Variants in SOX21 observed in about 807,000 individuals in gnomAD.
SOX21 encodes transcription factor SOX-21.
For synonymous variants in SOX21, 237 were observed against 189.7 expected (o/e 1.25, Z -2.05); for missense variants, 370 against 388.8 (o/e 0.95, Z 0.41).
In SOX21 at chr13:94,712,119, G is replaced by C. The variant is rs1875280685; in HGVS notation, c.-70C>G. ...CGCCCTCGGCCCGGAGGAAATCAAT[G>C]TTGGCTGCCCGCGGAGACCCGCTCG... On this transcript the variant is annotated 5_prime_UTR_variant, in exon 1 of 1. Coordinates refer to ENST00000376945, the MANE Select transcript of SOX21 (RefSeq NM_007084.4). The surrounding 1 kb of genome is among the most constrained non-coding windows in gnomAD (Gnocchi z 5.0). 4 of 1,527,110 alleles carry C rather than the reference G, an allele frequency of 2.6e-6. No homozygotes were observed. The East Asian group carries it at 7.7e-5, about 29-fold the overall frequency. The allele number at this position is 1,527,110 out of a possible 1,614,324, so 94.6% of individuals were successfully genotyped here. A position where few individuals can be genotyped will look rare whatever the true frequency, so the allele number is the denominator to read the frequency against.
Position 94,709,829 on chromosome 13 carries a change from A to T in SOX21, c.*1390T>A, listed in dbSNP as rs1378943052. On this transcript the variant is annotated 3_prime_UTR_variant, in exon 1 of 1. Coordinates refer to ENST00000376945, the MANE Select transcript of SOX21 (RefSeq NM_007084.4). ...TTACATAAAGCCAAAATGAAACTAA[A>T]TACATGTTAGCCAACTTCATTCACA... 6.6e-6 allele frequency: 1 copy of T among 152,588 alleles called. No homozygotes were observed. The highest frequency in any genetic ancestry group is 1.5e-5 in the Non-Finnish European group (1 of 68,046). 9.5% of individuals were successfully genotyped at this position (152,588 alleles called of 1,614,324 possible).
In SOX21 at chr13:94,711,533, G is replaced by T; in HGVS notation, c.517C>A (p.Leu173Ile). The change falls in exon 1 of 1, where the codon CTC (leucine) becomes ATC (isoleucine). Residue 173 changes from leucine (L) to isoleucine (I), a missense_variant. Physicochemically the swap from Leu to Ile is conservative, Grantham distance 5. Transcript: ENST00000376945. Reference sequence around the variant, plus strand: ...TCTGCCATTTTGGAGCCCAGGTCGAGCAGCGAGTAGGGGCTGCCCGCGGCG... The same window carrying T: ...TCTGCCATTTTGGAGCCCAGGTCGATCAGCGAGTAGGGGCTGCCCGCGGCG... ...AAAAGSPYSL[L>I]DLGSKMAEIS... 9.8e-7 allele frequency: 1 copy of T among 1,024,426 alleles called. No individual in the cohort carries two copies. The highest frequency in any genetic ancestry group is 1.2e-6 in the Non-Finnish European group (1 of 846,802). The allele number at this position is 1,024,426 out of a possible 1,614,324, so 63.5% of individuals were successfully genotyped here. A position where few individuals can be genotyped will look rare whatever the true frequency, so the allele number is the denominator to read the frequency against.
Position 94,711,631 on chromosome 13 carries a change from G to A in SOX21, c.419C>T (p.Ala140Val). 8.0e-7 allele frequency: 1 copy of A among 1,246,372 alleles called. No individual in the cohort carries two copies. The highest frequency in any genetic ancestry group is 1.0e-6 in the Non-Finnish European group (1 of 995,380). 77.2% of individuals were successfully genotyped at this position (1,246,372 alleles called of 1,614,324 possible). The change falls in exon 1 of 1, where the codon GCC becomes GTC. Residue 140 changes from alanine to valine, a missense_variant. Transcript: ENST00000376945. ...GACGCGTGCGGCGGCAGCGGCGGCG[G>A]CCGCGGCCGCCTTCTCGGGATTGGC... is the stretch of plus-strand genomic sequence containing the variant. ...LLANPEKAAA[A>V]AAAAAARVFF...
Position 94,711,293 on chromosome 13 carries a change from C to G in SOX21, c.757G>C (p.Ala253Pro). Reference protein sequence around the residue: ...WPSPGLQPPLAYILLPGMGKP... With the variant: ...WPSPGLQPPLPYILLPGMGKP... ...CCCATGCCCGGCAGCAGGATGTAGGCGAGCGGCGGCTGCAGCCCGGGGCTG... is the reference window on the plus strand; with the variant it reads ...CCCATGCCCGGCAGCAGGATGTAGGGGAGCGGCGGCTGCAGCCCGGGGCTG... Residue 253 changes from alanine to proline, a missense_variant, in exon 1 of 1, where the codon GCC becomes CCC. Coordinates refer to ENST00000376945, the MANE Select transcript of SOX21 (RefSeq NM_007084.4). The G allele has an allele frequency of 7.3e-7, 1 of 1,364,480 alleles. No individual in the cohort carries two copies. The highest frequency in any genetic ancestry group is 9.4e-7 in the Non-Finnish European group (1 of 1,064,404). 84.5% of individuals were successfully genotyped at this position (1,364,480 alleles called of 1,614,324 possible). A position where few individuals can be genotyped will look rare whatever the true frequency, so the allele number is the denominator to read the frequency against.
chr13:94,711,373 T>G lies in SOX21; in HGVS notation c.677A>C (p.His226Pro). The G allele has an allele frequency of 8.0e-7, 1 of 1,248,584 alleles. No individual in the cohort carries two copies. 77.3% of individuals were successfully genotyped at this position (1,248,584 alleles called of 1,614,324 possible). A position where few individuals can be genotyped will look rare whatever the true frequency, so the allele number is the denominator to read the frequency against. The stretch of plus-strand genomic sequence containing the variant: ...GTAGCCCGGGTTGCCCGGGCTGGGG[T>G]GCGAGTGCGTGTGCCCCCCGGCGGC... ...AAAAGGHTHS[H>P]PSPGNPGYMI... The change falls in exon 1 of 1, where the codon CAC becomes CCC. Residue 226 changes from histidine (H) to proline (P), a missense_variant. His to Pro is a moderately conservative substitution (Grantham distance 77). Transcript: ENST00000376945.
rs1875219942 is a variant in SOX21, at chr13:94,711,070, C to A, written c.*149G>T. The A allele has an allele frequency of 1.3e-6, 1 of 799,950 alleles. No individual in the cohort carries two copies. The highest frequency in any genetic ancestry group is 1.8e-5 in the African/African-American group (1 of 55,576). 49.6% of individuals were successfully genotyped at this position (799,950 alleles called of 1,614,324 possible). On this transcript the variant is annotated 3_prime_UTR_variant, in exon 1 of 1. Coordinates refer to ENST00000376945, the MANE Select transcript of SOX21 (RefSeq NM_007084.4). ...GCTTGGCCACTCCTGCCCCGCCTGG[C>A]CTCTCTGCCTCTACCTGGCACCTAT...
Position 94,711,876 on chromosome 13 carries a change from G to A in SOX21, c.174C>T (p.Ile58=). The change falls in exon 1 of 1, where the codon ATC becomes ATT. Residue 58 remains isoleucine, a synonymous_variant. Transcript: ENST00000376945. ...TGGCGCGTAGACGCTTGGCCTCGTC[G>A]ATGAACGGCCGCTTCTCCGACTCTG... ...LLTESEKRPF[I]DEAKRLRAMH... The A allele has an allele frequency of 6.2e-7, 1 of 1,613,986 alleles. No individual in the cohort carries two copies. Among genetic ancestry groups the A allele is most frequent in the East Asian group, 2.2e-5 (1 of 44,820 alleles).
In SOX21 at chr13:94,711,205, G is replaced by A; in HGVS notation, c.*14C>T. The A allele has an allele frequency of 7.6e-7, 1 of 1,319,746 alleles. No homozygotes were observed. The allele number at this position is 1,319,746 out of a possible 1,614,324, so 81.8% of individuals were successfully genotyped here. A position where few individuals can be genotyped will look rare whatever the true frequency, so the allele number is the denominator to read the frequency against. On this transcript the variant is annotated 3_prime_UTR_variant, in exon 1 of 1. Coordinates refer to ENST00000376945, the MANE Select transcript of SOX21 (RefSeq NM_007084.4). Reference sequence around the variant, plus strand: ...ACGTGTGCACACCGGTCCTCGCGAGGCGGCCCCGCGGGGTCATAGCGCGGC... The same window carrying A: ...ACGTGTGCACACCGGTCCTCGCGAGACGGCCCCGCGGGGTCATAGCGCGGC...
Position 94,712,460 on chromosome 13 carries a change from C to G in SOX21, c.-411G>C. The G allele has an allele frequency of 1.0e-6, 1 of 988,652 alleles. No homozygotes were observed. Among genetic ancestry groups the G allele is most frequent in the Non-Finnish European group, 1.2e-6 (1 of 832,870 alleles). The allele number at this position is 988,652 out of a possible 1,614,324, so 61.2% of individuals were successfully genotyped here. Reference sequence around the variant, plus strand: ...TGCAAAGCGTCCCCAAAAGTTGCGTCGCGGAGACTCCTCGAAGTTGAGCCG... The same window carrying G: ...TGCAAAGCGTCCCCAAAAGTTGCGTGGCGGAGACTCCTCGAAGTTGAGCCG... On this transcript the variant is annotated 5_prime_UTR_variant, in exon 1 of 1. Transcript: ENST00000376945. The surrounding 1 kb of genome is among the most constrained non-coding windows in gnomAD (Gnocchi z 5.0).
Position 94,710,962 on chromosome 13 carries a change from C to T in SOX21, c.*257G>A, listed in dbSNP as rs565064177. On this transcript the variant is annotated 3_prime_UTR_variant, in exon 1 of 1. Transcript: ENST00000376945. Reference sequence around the variant, plus strand: ...AACGCCAACTGCTGCCGCACACAACCGCCTGCTTTCGAGTTGGCTGCCGAA... The same window carrying T: ...AACGCCAACTGCTGCCGCACACAACTGCCTGCTTTCGAGTTGGCTGCCGAA... 1.9e-5 allele frequency: 7 copies of T among 361,164 alleles called. No individual in the cohort carries two copies. Among genetic ancestry groups the T allele is most frequent in the Admixed American group, 4.7e-5 (1 of 21,476 alleles). 22.4% of individuals were successfully genotyped at this position (361,164 alleles called of 1,614,324 possible).
At position 94,710,081 on chromosome 13, in the gene SOX21, TCA is replaced by T. The variant is rs751195944; in HGVS notation, c.*1136_*1137del. The stretch of plus-strand genomic sequence containing the variant: ...TGAAACAATTCTGTGCTTTTTTTCT[TCA>T]GTTTTGCTAAATAATAAATATATAA... On this transcript the variant is annotated 3_prime_UTR_variant, in exon 1 of 1. Coordinates refer to ENST00000376945, the MANE Select transcript of SOX21 (RefSeq NM_007084.4). 1.3e-5 allele frequency: 2 copies of T among 152,214 alleles called. No homozygotes were observed. Among genetic ancestry groups the T allele is most frequent in the Non-Finnish European group, 2.9e-5 (2 of 68,044 alleles). The allele number at this position is 152,214 out of a possible 1,614,324, so 9.4% of individuals were successfully genotyped here.
At position 94,712,427 on chromosome 13, in the gene SOX21, CTCTT is replaced by C. The variant is rs960458286; in HGVS notation, c.-382_-379del. ...AGCGCTCCTCCTCCTCGGTCGTTCTCTCTTAAATGCAAAGCGTCCCCAAAAGTTG... is the reference window on the plus strand; with the variant it reads ...AGCGCTCCTCCTCCTCGGTCGTTCTCAAATGCAAAGCGTCCCCAAAAGTTG... On this transcript the variant is annotated 5_prime_UTR_variant, in exon 1 of 1. Coordinates refer to ENST00000376945, the MANE Select transcript of SOX21 (RefSeq NM_007084.4). The surrounding 1 kb of genome is among the most constrained non-coding windows in gnomAD (Gnocchi z 5.0). 2.0e-6 allele frequency: 2 copies of C among 1,005,046 alleles called. No individual in the cohort carries two copies. The highest frequency in any genetic ancestry group is 3.5e-5 in the African/African-American group (2 of 57,906). The allele number at this position is 1,005,046 out of a possible 1,614,324, so 62.3% of individuals were successfully genotyped here.
Position 94,710,875 on chromosome 13 carries a change from G to T in SOX21, c.*344C>A. 1 of 210,550 alleles carries T rather than the reference G, an allele frequency of 4.7e-6. No homozygotes were observed. The highest frequency in any genetic ancestry group is 9.7e-5 in the East Asian group (1 of 10,344). The allele number at this position is 210,550 out of a possible 1,614,324, so 13.0% of individuals were successfully genotyped here. A position where few individuals can be genotyped will look rare whatever the true frequency, so the allele number is the denominator to read the frequency against. ...CCAACAAAACTGGAAAGGCCAACAT[G>T]TCAAAAAGTTACTCCTCCACCTCCG... On this transcript the variant is annotated 3_prime_UTR_variant, in exon 1 of 1. Coordinates refer to ENST00000376945, the MANE Select transcript of SOX21 (RefSeq NM_007084.4).
chr13:94,711,254 C>A lies in SOX21; in HGVS notation c.796G>T (p.Asp266Tyr). The A allele has an allele frequency of 7.3e-7, 1 of 1,372,956 alleles. No individual in the cohort carries two copies. The highest frequency in any genetic ancestry group is 3.0e-5 in the East Asian group (1 of 33,518). The allele number at this position is 1,372,956 out of a possible 1,614,324, so 85.0% of individuals were successfully genotyped here. A position where few individuals can be genotyped will look rare whatever the true frequency, so the allele number is the denominator to read the frequency against. ...LLPGMGKPQL[D>Y]PYPAAYAAAL is the part of the protein sequence containing the mutation. ...GCAGCGTAGGCCGCGGGGTAGGGGT[C>A]CAGCTGGGGCTTGCCCATGCCCGGC... Residue 266 changes from aspartate (D) to tyrosine (Y), a missense_variant, in exon 1 of 1, where the codon GAC (aspartate) becomes TAC (tyrosine). By Grantham distance (160) the Asp-to-Tyr change is radical. Transcript: ENST00000376945.
chr13:94,712,197 C>T lies in SOX21; in HGVS notation c.-148G>A, dbSNP rs1875283612. ...GTCGCTCCCGCCCCGGAGGAGGGGG[C>T]TGGGGGACCAGCCCAGGGCCACGCC... On this transcript the variant is annotated 5_prime_UTR_variant, in exon 1 of 1. Coordinates refer to ENST00000376945, the MANE Select transcript of SOX21 (RefSeq NM_007084.4). This position sits in a 1 kb window ranked among gnomAD's most constrained non-coding sequence, Gnocchi z 5.0. 2 of 1,365,378 alleles carry T rather than the reference C, an allele frequency of 1.5e-6. No homozygotes were observed. Among genetic ancestry groups the T allele is most frequent in the South Asian group, 3.4e-5 (2 of 59,000 alleles). 84.6% of individuals were successfully genotyped at this position (1,365,378 alleles called of 1,614,324 possible).
In SOX21 at chr13:94,710,161, T is replaced by C. The variant is rs1235389442; in HGVS notation, c.*1058A>G. The C allele has an allele frequency of 6.6e-6, 1 of 152,368 alleles. No individual in the cohort carries two copies. Among genetic ancestry groups the C allele is most frequent in the Non-Finnish European group, 1.5e-5 (1 of 68,038 alleles). The allele number at this position is 152,368 out of a possible 1,614,324, so 9.4% of individuals were successfully genotyped here. A position where few individuals can be genotyped will look rare whatever the true frequency, so the allele number is the denominator to read the frequency against. ...CTTCGATAAAATTGCGATTCTGAAA[T>C]AGTTTCGCAATTTTTAAAAGTTAAC... On this transcript the variant is annotated 3_prime_UTR_variant, in exon 1 of 1. Transcript: ENST00000376945.
At position 94,711,770 on chromosome 13, in the gene SOX21, A is replaced by G; in HGVS notation, c.280T>C (p.Phe94Leu). ...KTLLKKDKFA[F>L]PVPYGLGGVA... ...CCGCCCAGGCCGTAGGGCACCGGGA[A>G]GGCGAACTTGTCCTTCTTGAGCAGC... The change falls in exon 1 of 1, where the codon TTC (phenylalanine) becomes CTC (leucine). Residue 94 changes from phenylalanine (F) to leucine (L), a missense_variant. Physicochemically the swap from Phe to Leu is conservative, Grantham distance 22 (BLOSUM62 0). Transcript: ENST00000376945. 6.2e-7 allele frequency: 1 copy of G among 1,613,106 alleles called. No homozygotes were observed. Among genetic ancestry groups the G allele is most frequent in the Non-Finnish European group, 8.5e-7 (1 of 1,179,638 alleles).
Position 94,711,201 on chromosome 13 carries a change from C to T in SOX21, c.*18G>A. ...GTACACGTGTGCACACCGGTCCTCG[C>T]GAGGCGGCCCCGCGGGGTCATAGCG... is the stretch of plus-strand genomic sequence containing the variant. On this transcript the variant is annotated 3_prime_UTR_variant, in exon 1 of 1. Transcript: ENST00000376945. 1 of 1,312,928 alleles carries T rather than the reference C, an allele frequency of 7.6e-7. No homozygotes were observed. The highest frequency in any genetic ancestry group is 2.3e-5 in the South Asian group (1 of 44,140). The allele number at this position is 1,312,928 out of a possible 1,614,324, so 81.3% of individuals were successfully genotyped here. A position where few individuals can be genotyped will look rare whatever the true frequency, so the allele number is the denominator to read the frequency against.
chr13:94,711,581 C>T lies in SOX21; in HGVS notation c.469G>A (p.Ala157Thr). The T allele has an allele frequency of 8.5e-7, 1 of 1,181,434 alleles. No homozygotes were observed. Among genetic ancestry groups the T allele is most frequent in the East Asian group, 4.1e-5 (1 of 24,168 alleles). The allele number at this position is 1,181,434 out of a possible 1,614,324, so 73.2% of individuals were successfully genotyped here. ...RVFFPQSAAA[A>T]AAAAAAAAAG... ...GCGGCGGCGGCGGCGGCAGCGGCGG[C>T]GGCAGCGGCCGACTGCGGGAAGAAG... Residue 157 changes from alanine to threonine, a missense_variant, in exon 1 of 1, where the codon GCC (alanine) becomes ACC (threonine). Transcript: ENST00000376945.
Sources: gnomAD v4.1 joint callset for allele counts on GRCh38, gnomAD v4.1.1 for gene constraint, Gnocchi (gnomAD v3.1) non-coding constraint, MANE v1.5 for transcripts, NCBI Gene and HGNC (gene_info 2026-07-23, HGNC 2026-07-21) for gene names.